AK9: variants seen among roughly 807,000 people sequenced by gnomAD.
AK9 encodes adenylate kinase 9, also known as adenylate kinase domain containing 1.
In AK9, 191 loss-of-function variants were observed where a neutral mutation model predicts 239.6. The observed-to-expected ratio is 0.80, with a 90% CI of 0.71 to 0.90. The LOEUF (loss-of-function observed/expected upper bound fraction) is 0.90. Ranked by LOEUF, AK9 falls within the 40% of genes least tolerant of loss-of-function variation. The pLI is 0.00. For missense variants in AK9, 1,995 were observed against 2,214.7 expected, an observed-to-expected ratio of 0.90 and a Z score of 1.99; for synonymous variants, 689 against 721.0, an observed-to-expected ratio of 0.96 and a Z score of 0.71.
chr6:109,653,297 C>T (rs1463641409), intron 8 of AK9, among the ~76,000 whole-genome samples: 1 of 152,138 alleles, frequency 6.6e-6, no homozygotes, highest in Non-Finnish European at 1.5e-5. Flanking sequence ...CAATTCAAAG[C>T]CCTAACCCGC....
Position 109,543,226 on chromosome 6 carries a change from T to C in AK9, c.3226-1055A>G, listed in dbSNP as rs182661203. ...ATGAAACATTTTTGTTGAGTACTTT[T>C]GTCATCCAAAATTCTAAAACTGAAT... On this transcript the variant is annotated intron_variant, in intron 26 of 40. Coordinates refer to ENST00000424296, the MANE Select transcript of AK9 (RefSeq NM_001145128.3). 1.7e-3 allele frequency among the ~76,000 whole-genome samples: 253 copies of C among 152,294 alleles called. 3 individuals carry two copies. The highest frequency in any genetic ancestry group is 6.8e-3 in the Middle Eastern group (2 of 294).
chr6:109,577,783 T>C (rs1788279150), intron 20 of AK9, among the ~76,000 whole-genome samples: 1 of 152,148 alleles, frequency 6.6e-6, no homozygotes, highest in Non-Finnish European at 1.5e-5. Context: ...GTGTTCATAG[T>C]AGCCTTGAAT....
At chr6:109,546,526 A>C (rs1330047398) in intron 25 of AK9, among the ~76,000 whole-genome samples, 1 of 152,276 alleles carries the variant, frequency 6.6e-6, no homozygotes, top group African/African-American at 2.4e-5. Flanking sequence ...CATTTATTAC[A>C]GTAATCTCAG....
chr6:109,599,781 G>A (rs936490022), intron 17 of AK9, among the ~76,000 whole-genome samples: 4 of 152,086 alleles, frequency 2.6e-5, no homozygotes, highest in Admixed American at 6.6e-5. Context: ...TCCTTGAAGA[G>A]GTCCTTCACA....
chr6:109,644,594 C>T lies in AK9; in HGVS notation c.834+20G>A. ...AAATTTTCCATGCTGTGAAGTATTC[C>T]TGCTTAACACTGCACTCACCATAAA... is the stretch of plus-strand genomic sequence containing the variant. On this transcript the variant is annotated intron_variant, in intron 9 of 40. Transcript: ENST00000424296. The T allele has an allele frequency of 1.3e-6, 2 of 1,580,522 alleles. No individual in the cohort carries two copies. Among genetic ancestry groups the T allele is most frequent in the Non-Finnish European group, 1.7e-6 (2 of 1,165,284 alleles).
intron 8 of AK9, among the ~76,000 whole-genome samples, chr6:109,655,797 T>A (rs1261367050): frequency 6.6e-6 from 1 of 152,184 alleles, no homozygotes; most frequent in Non-Finnish European, 1.5e-5. Context: ...AAGATACTTT[T>A]ATTGAAGGAA....
chr6:109,600,812 T>C (rs761876697), intron 17 of AK9, among the ~76,000 whole-genome samples: 35 of 152,264 alleles, frequency 2.3e-4, no homozygotes, highest in Non-Finnish European at 4.1e-4. Flanking sequence ...CTTGGGAGGG[T>C]GTATGTGTCC....
rs1055421515 is a variant in AK9 at position 109,577,020 on chromosome 6, C to T, written c.2191+2530G>A. On this transcript the variant is annotated intron_variant, in intron 20 of 40. Coordinates refer to ENST00000424296, the MANE Select transcript of AK9 (RefSeq NM_001145128.3). ...TAATTTTTTGTATTTTTAGTAGAGA[C>T]GGGGTTTCACCGTGTTAGCCAGGAT... 7.9e-5 allele frequency among the ~76,000 whole-genome samples: 12 copies of T among 151,894 alleles called. No individual in the cohort carries two copies. In the East Asian group the frequency reaches 1.2e-3, roughly 15 times the overall value.
chr6:109,510,599 G>C (rs1200579406), intron 32 of AK9, among the ~76,000 whole-genome samples: 1 of 152,138 alleles, frequency 6.6e-6, no homozygotes, highest in Non-Finnish European at 1.5e-5. Context: ...TCTCTGCTGA[G>C]AACTGAACAC....
At chr6:109,666,810 T>C (rs997731006) in intron 5 of AK9, among the ~76,000 whole-genome samples, 2 of 152,188 alleles carry the variant, frequency 1.3e-5, no homozygotes, top group Admixed American at 6.5e-5. Context: ...TGTAGCCTTG[T>C]GTCCAGCCAT....
chr6:109,507,185 G>T (rs1455100721), intron 33 of AK9, among the ~76,000 whole-genome samples: 1 of 152,150 alleles, frequency 6.6e-6, no homozygotes, highest in Non-Finnish European at 1.5e-5. Context: ...GATAACTTTA[G>T]ATTTAAAACC....
intron 17 of AK9, among the ~76,000 whole-genome samples, chr6:109,594,676 G>C (rs763656480): frequency 6.6e-6 from 1 of 152,108 alleles, no homozygotes; most frequent in Admixed American, 6.5e-5. Context: ...TAGACCAATG[G>C]AAGAAAACAG....
chr6:109,513,759 A>G (rs1484736270), intron 32 of AK9, among the ~76,000 whole-genome samples: 3 of 152,220 alleles, frequency 2.0e-5, no homozygotes, highest in Non-Finnish European at 4.4e-5. Flanking sequence ...CATCCCCATC[A>G]TTCCTATAAA....
chr6:109,683,954 A>C (rs188209861), intron 1 of AK9, among the ~76,000 whole-genome samples: 9 of 152,178 alleles, frequency 5.9e-5, no homozygotes, highest in African/African-American at 1.2e-4. Context: ...AATCCTAAGC[A>C]ATAAGAACAA....
chr6:109,635,719 C>A (rs1487799715), intron 10 of AK9, among the ~76,000 whole-genome samples: 1 of 152,238 alleles, frequency 6.6e-6, no homozygotes, highest in East Asian at 1.9e-4. Context: ...CAAATGTCTT[C>A]AGCACTTCTG....
At chr6:109,534,378 T>G (rs1022761757) in intron 27 of AK9, among the ~76,000 whole-genome samples, 1 of 150,210 alleles carries the variant, frequency 6.7e-6, no homozygotes, top group African/African-American at 2.4e-5. Context: ...CTTTGTTTAA[T>G]TGAGAGAGTC....
intron 29 of AK9, among the ~76,000 whole-genome samples, chr6:109,520,532 T>C (rs1380061237): frequency 6.6e-6 from 1 of 152,144 alleles, no homozygotes; most frequent in Non-Finnish European, 1.5e-5. Flanking sequence ...TCTAAGAGTA[T>C]AAAATTAGGT....
chr6:109,531,023 T>G (rs1006391160), intron 28 of AK9, among the ~76,000 whole-genome samples: 1 of 151,860 alleles, frequency 6.6e-6, no homozygotes, highest in African/African-American at 2.4e-5. Flanking sequence ...AGCCTAGCGA[T>G]AGAGTCAGAC....
chr6:109,671,815 G>T, intron 5 of AK9, 104 bp downstream of exon 5: 1 of 915,374 alleles, frequency 1.1e-6, no homozygotes, highest in Non-Finnish European at 1.7e-6. Flanking sequence ...AGATTCTTAT[G>T]CTAAGGCAAA....
Sources: allele counts gnomAD v4.1 joint callset (sites outside exome capture counted in the v4.1 genomes callset), GRCh38; gene constraint gnomAD v4.1.1; transcripts MANE v1.5; gene names NCBI Gene and HGNC (gene_info 2026-07-23, HGNC 2026-07-21).